GABRG1: variants seen among roughly 807,000 people sequenced by gnomAD.
GABRG1 encodes gamma-aminobutyric acid receptor subunit gamma-1.
In GABRG1, 49 loss-of-function variants were observed where a neutral mutation model predicts 49.8. The ratio of observed to expected loss-of-function variants is 0.98; its 90% CI spans 0.78 to 1.25. The LOEUF is 1.25. Among genes scored for constraint, GABRG1 ranks in the 50% most tolerant of loss-of-function variants. The pLI is 0.00. For missense variants in GABRG1, 552 were observed against 552.3 expected, an observed-to-expected ratio of 1.00 and a Z score of 0.01; for synonymous variants, 232 against 185.1, an observed-to-expected ratio of 1.25 and a Z score of -2.06.
chr4:46,118,074 G>GTA lies in GABRG1; in HGVS notation c.104+5734_104+5735dup, dbSNP rs201303044. 7.4e-3 allele frequency among the ~76,000 whole-genome samples: 849 copies of GTA among 114,742 alleles called. 37 individuals carry two copies. The highest frequency in any genetic ancestry group is 0.013 in the Middle Eastern group (3 of 238). The allele number at this position is 114,742 out of a possible 152,430, so 75.3% of individuals were successfully genotyped here. On this transcript the variant is annotated intron_variant, in intron 1 of 8. Coordinates refer to ENST00000295452, the MANE Select transcript of GABRG1 (RefSeq NM_173536.4). ...TGTGTGTATGTATACATATGTGTGT[G>GTA]TATATATATACATATGTATACATAT... is the stretch of plus-strand genomic sequence containing the variant.
intron 2 of GABRG1, among the ~76,000 whole-genome samples, chr4:46,096,897 A>G (rs138593209): frequency 2.0e-5 from 3 of 151,914 alleles, no homozygotes; most frequent in East Asian, 3.9e-4. Flanking sequence ...ATTATTCTGT[A>G]TCTTATCTTT....
chr4:46,090,296 A>G (rs1163897149), intron 2 of GABRG1, among the ~76,000 whole-genome samples: 1 of 152,084 alleles, frequency 6.6e-6, no homozygotes, highest in Non-Finnish European at 1.5e-5. Context: ...ACAATTGTAT[A>G]TAAAATTTGA....
At chr4:46,052,219 G>A (rs1285583174) in intron 7 of GABRG1, among the ~76,000 whole-genome samples, 14 of 125,378 alleles carry the variant, frequency 1.1e-4, no homozygotes, top group African/African-American at 2.5e-4. Flanking sequence ...GCATTGTATC[G>A]CCTTGAAATA....
intron 2 of GABRG1, among the ~76,000 whole-genome samples, chr4:46,093,518 C>A (rs1720068628): frequency 6.6e-6 from 1 of 151,780 alleles, no homozygotes; most frequent in South Asian, 2.1e-4. Flanking sequence ...TAAATAATAT[C>A]TATTATTTGA....
intron 3 of GABRG1, among the ~76,000 whole-genome samples, chr4:46,080,975 C>A (rs1006239626): frequency 1.3e-5 from 2 of 151,802 alleles, no homozygotes; most frequent in Admixed American, 1.3e-4. Flanking sequence ...TAAAAGTTTT[C>A]TGTTTGCAAA....
At chr4:46,101,621 C>T (rs1177148207) in intron 1 of GABRG1, among the ~76,000 whole-genome samples, 6 of 151,624 alleles carry the variant, frequency 4.0e-5, no homozygotes, top group South Asian at 2.1e-4. Context: ...TAATCTTGAT[C>T]TAGATGGTCT....
chr4:46,065,066 T>C (rs1353027000), intron 4 of GABRG1, among the ~76,000 whole-genome samples: 1 of 152,166 alleles, frequency 6.6e-6, no homozygotes, highest in Non-Finnish European at 1.5e-5. Context: ...CTAGAGGAAA[T>C]CTTACTCAAT....
chr4:46,117,610 C>G (rs34956353), intron 1 of GABRG1, among the ~76,000 whole-genome samples: 1 of 139,752 alleles, frequency 7.2e-6, no homozygotes, highest in Non-Finnish European at 1.6e-5. Flanking sequence ...CTCTCTCTCT[C>G]TCTATATATA....
chr4:46,099,823 C>A (rs1484905887), intron 1 of GABRG1, among the ~76,000 whole-genome samples: 3 of 151,624 alleles, frequency 2.0e-5, no homozygotes, highest in Non-Finnish European at 4.4e-5. Flanking sequence ...ATTATATTCC[C>A]TTACTTTGCA....
At chr4:46,082,454 C>T (rs896478694) in intron 3 of GABRG1, among the ~76,000 whole-genome samples, 1 of 151,696 alleles carries the variant, frequency 6.6e-6, no homozygotes, top group Non-Finnish European at 1.5e-5. Context: ...ACCCAGAAAC[C>T]AGCACATGAC....
At chr4:46,077,367 T>C (rs1278710311) in intron 3 of GABRG1, among the ~76,000 whole-genome samples, 5 of 151,894 alleles carry the variant, frequency 3.3e-5, no homozygotes, top group Non-Finnish European at 7.4e-5. Flanking sequence ...CATAATACTA[T>C]AAAACAGTGA....
At chr4:46,064,030 C>G (rs960464459) in intron 5 of GABRG1, among the ~76,000 whole-genome samples, 1 of 151,970 alleles carries the variant, frequency 6.6e-6, no homozygotes, top group Non-Finnish European at 1.5e-5. Context: ...TACTATTTGC[C>G]TAACCAATTT....
chr4:46,053,626 A>G (rs2109399439), intron 7 of GABRG1, among the ~76,000 whole-genome samples: 1 of 152,098 alleles, frequency 6.6e-6, no homozygotes, highest in African/African-American at 2.4e-5. Flanking sequence ...GTAGGTTTCC[A>G]AAGTGTTTCT....
At chr4:46,109,436 C>A (rs1294019053) in intron 1 of GABRG1, among the ~76,000 whole-genome samples, 2 of 150,726 alleles carry the variant, frequency 1.3e-5, no homozygotes, top group Non-Finnish European at 3.0e-5. Context: ...ATCTAGCTTT[C>A]AGTCCATCAA....
intron 8 of GABRG1, among the ~76,000 whole-genome samples, chr4:46,047,145 G>A (rs913545965): frequency 1.3e-5 from 2 of 151,986 alleles, no homozygotes; most frequent in South Asian, 2.1e-4. Flanking sequence ...TGCGACTAGC[G>A]CTACTAAGAT....
chr4:46,088,597 T>C (rs1385606409), intron 2 of GABRG1, among the ~76,000 whole-genome samples: 1 of 151,978 alleles, frequency 6.6e-6, no homozygotes, highest in Non-Finnish European at 1.5e-5. Context: ...TGTGTATAAA[T>C]GCAAGCATCT....
chr4:46,094,943 C>T (rs1330859386), intron 2 of GABRG1, among the ~76,000 whole-genome samples: 1 of 151,726 alleles, frequency 6.6e-6, no homozygotes, highest in Non-Finnish European at 1.5e-5. Flanking sequence ...GCAGAAGAAA[C>T]TGTAAGAAAA....
chr4:46,084,544 A>G (rs1407125679), intron 2 of GABRG1, among the ~76,000 whole-genome samples: 6 of 151,806 alleles, frequency 4.0e-5, no homozygotes, highest in South Asian at 2.1e-4. Context: ...ACCAAACTTC[A>G]GTGAAAAACT....
At chr4:46,095,575 A>C (rs1720139807) in intron 2 of GABRG1, among the ~76,000 whole-genome samples, 1 of 151,814 alleles carries the variant, frequency 6.6e-6, no homozygotes, top group Non-Finnish European at 1.5e-5. Flanking sequence ...TGAATAATAG[A>C]CTGGCATTAG....
Sources: allele counts gnomAD v4.1 joint callset (sites outside exome capture counted in the v4.1 genomes callset), GRCh38; gene constraint gnomAD v4.1.1; transcripts MANE v1.5; gene names NCBI Gene and HGNC (gene_info 2026-07-23, HGNC 2026-07-21).